The following DCC variants were observed in gnomAD, a reference collection of about 807,000 sequenced individuals.
DCC encodes DCC netrin 1 receptor, also known as netrin receptor DCC.
DCC carries 58 observed loss-of-function variants against 172.5 expected under a neutral mutation model. The ratio of observed to expected loss-of-function variants is 0.34; its 90% confidence interval spans 0.27 to 0.42. DCC has a LOEUF of 0.42. Ranked by LOEUF, DCC falls within the 10% of genes least tolerant of loss-of-function variation. The pLI, the probability that DCC is intolerant of heterozygous loss-of-function variation, is 1.00. For missense variants in DCC, 1,740 were observed against 1,791.0 expected, an observed-to-expected ratio of 0.97 and a Z score of 0.51; for synonymous variants, 709 against 644.5, an observed-to-expected ratio of 1.10 and a Z score of -1.52.
At chr18:52,684,073 C>T (rs983008362) in intron 1 of DCC, among the ~76,000 whole-genome samples, 10 of 152,196 alleles carry the variant, frequency 6.6e-5, no homozygotes, top group East Asian at 1.9e-4. Context: ...CGCTTAAAAA[C>T]GATAAGCCAA....
chr18:53,416,731 A>G (rs1387512722), intron 21 of DCC, among the ~76,000 whole-genome samples: 1 of 152,244 alleles, frequency 6.6e-6, no homozygotes, highest in South Asian at 2.1e-4. Flanking sequence ...TTATTTATTT[A>G]CTAAAAGCTG....
intron 7 of DCC, among the ~76,000 whole-genome samples, chr18:53,155,436 A>G (rs148144355): frequency 7.9e-4 from 121 of 152,342 alleles, no homozygotes; most frequent in Middle Eastern, 3.4e-3. Context: ...GAGAACTTTA[A>G]CAAACATAAA....
intron 2 of DCC, among the ~76,000 whole-genome samples, chr18:52,836,871 G>T (rs1294018556): frequency 6.6e-6 from 1 of 152,218 alleles, no homozygotes; most frequent in African/African-American, 2.4e-5. Flanking sequence ...TACTGCCCTA[G>T]CAGAAGTTCT....
chr18:52,758,660 T>C (rs2037113307), intron 2 of DCC: 1 of 146,414 alleles, frequency 6.8e-6, no homozygotes, highest in African/African-American at 2.8e-5. Flanking sequence ...ATGTTCTTAC[T>C]TAAAAGAACC....
At chr18:53,116,404 G>T (rs1598817894) in intron 7 of DCC, among the ~76,000 whole-genome samples, 1 of 151,622 alleles carries the variant, frequency 6.6e-6, no homozygotes, top group Admixed American at 6.6e-5. Context: ...GTTGGCCTGC[G>T]CCCTATGGAG....
intron 1 of DCC, among the ~76,000 whole-genome samples, chr18:52,476,193 G>T (rs1372840447): frequency 6.6e-6 from 1 of 152,144 alleles, no homozygotes; most frequent in Non-Finnish European, 1.5e-5. Flanking sequence ...TTCAGCACCT[G>T]AGGGCTTAAA....
intron 1 of DCC, among the ~76,000 whole-genome samples, chr18:52,601,556 CTAATGCCACATAAA>C (rs2034018605): frequency 6.6e-6 from 1 of 151,946 alleles, no homozygotes; most frequent in Non-Finnish European, 1.5e-5. Flanking sequence ...TTTCTTCCTC[CTAATGCCACATAAA>C]TATGAACTTT....
intron 5 of DCC, among the ~76,000 whole-genome samples, chr18:52,999,905 G>A (rs2143838787): frequency 6.6e-6 from 1 of 152,134 alleles, no homozygotes; most frequent in South Asian, 2.1e-4. Context: ...AGTAGGATAG[G>A]CCTTTAATAC....
chr18:53,104,314 T>A (rs1381977762), intron 7 of DCC, among the ~76,000 whole-genome samples: 1 of 152,018 alleles, frequency 6.6e-6, no homozygotes, highest in Non-Finnish European at 1.5e-5. Context: ...GAGTGGAAGA[T>A]AATTGAATCA....
intron 1 of DCC, among the ~76,000 whole-genome samples, chr18:52,554,729 C>A (rs2032865745): frequency 6.6e-6 from 1 of 152,036 alleles, no homozygotes; most frequent in South Asian, 2.1e-4. Flanking sequence ...ATGACAAATT[C>A]TCAGAGACAT....
At position 53,343,382 on chromosome 18, in the gene DCC, A is replaced by G. The variant is rs546000637; in HGVS notation, c.2359+3475A>G. Among the ~76,000 whole-genome samples, 43 of 152,056 alleles carry G rather than the reference A, an allele frequency of 2.8e-4. No homozygotes were observed. In the South Asian group the frequency reaches 8.7e-3, roughly 31 times the overall value. On this transcript the variant is annotated intron_variant, in intron 15 of 28. Transcript: ENST00000442544. ...AAATTCTGGTCATGAATATTTGTTG[A>G]ATTTTATTAGATAACTTTCTATCTT...
At chr18:53,285,995 G>A (rs939255706) in intron 12 of DCC, among the ~76,000 whole-genome samples, 2 of 152,210 alleles carry the variant, frequency 1.3e-5, no homozygotes, top group African/African-American at 4.8e-5. Flanking sequence ...CCTAATGCCT[G>A]TATCCCTCTT....
At chr18:52,388,476 A>G (rs1476700630) in intron 1 of DCC, among the ~76,000 whole-genome samples, 2 of 151,598 alleles carry the variant, frequency 1.3e-5, no homozygotes, top group African/African-American at 4.8e-5. Flanking sequence ...TTAAACTACT[A>G]TTGCAGAAGC....
chr18:52,773,808 G>A (rs1403847675), intron 2 of DCC, among the ~76,000 whole-genome samples: 1 of 151,916 alleles, frequency 6.6e-6, no homozygotes, highest in Non-Finnish European at 1.5e-5. Flanking sequence ...GGATTACAGG[G>A]GTGAGCCACT....
intron 7 of DCC, among the ~76,000 whole-genome samples, chr18:53,117,925 A>G (rs938873543): frequency 6.6e-6 from 1 of 151,796 alleles, no homozygotes; most frequent in African/African-American, 2.4e-5. Flanking sequence ...TTAAAAATGT[A>G]AACATTCTTC....
intron 1 of DCC, among the ~76,000 whole-genome samples, chr18:52,376,786 A>G (rs1286383784): frequency 6.6e-6 from 1 of 152,190 alleles, no homozygotes; most frequent in African/African-American, 2.4e-5. Flanking sequence ...CTTTGAATAG[A>G]TAGATGCTCA....
intron 3 of DCC, among the ~76,000 whole-genome samples, chr18:52,911,141 C>T (rs565746282): frequency 6.6e-6 from 1 of 152,018 alleles, no homozygotes; most frequent in South Asian, 2.1e-4. Context: ...AAATAGATTC[C>T]ATTTCTATGG....
At chr18:52,926,720 C>G (rs760937205) in intron 5 of DCC, among the ~76,000 whole-genome samples, 4 of 150,346 alleles carry the variant, frequency 2.7e-5, no homozygotes, top group African/African-American at 7.3e-5. Flanking sequence ...TGTAATGGTT[C>G]GTTGATATCT....
rs573020114 is a variant in DCC, at chr18:53,533,908, G to A, written c.*3255G>A. On this transcript the variant is annotated 3_prime_UTR_variant, in exon 29 of 29. Coordinates refer to ENST00000442544, the MANE Select transcript of DCC (RefSeq NM_005215.4). The stretch of plus-strand genomic sequence containing the variant: ...TCCTGCTTTGGTTCCAGCTACACAA[G>A]GAGAGCCATCCTGTGCTAGTGTGAT... The A allele has an allele frequency of 6.6e-6, 1 of 152,282 alleles. No individual in the cohort carries two copies. Among genetic ancestry groups the A allele is most frequent in the Non-Finnish European group, 1.5e-5 (1 of 68,024 alleles). The allele number at this position is 152,282 out of a possible 1,614,324, so 9.4% of individuals were successfully genotyped here.
Sources: allele counts gnomAD v4.1 joint callset (sites outside exome capture counted in the v4.1 genomes callset), GRCh38; gene constraint gnomAD v4.1.1; transcripts MANE v1.5; gene names NCBI Gene and HGNC (gene_info 2026-07-23, HGNC 2026-07-21).